The following CSMD1 variants were observed in gnomAD, a reference collection of about 807,000 sequenced individuals.
CSMD1 encodes CUB and Sushi multiple domains 1.
CSMD1 carries 213 observed loss-of-function variants against 417.5 expected under a neutral mutation model. That is an observed-to-expected ratio of 0.51 (90% CI 0.46 to 0.57). The LOEUF (loss-of-function observed/expected upper bound fraction) is 0.57. CSMD1 is among the 20% of genes least tolerant of loss of function. The pLI is 0.00. For synonymous variants in CSMD1, 2,862 were observed against 1,736.8 expected, an observed-to-expected ratio of 1.65 and a Z score of -16.11; for missense variants, 6,923 against 4,529.7, an observed-to-expected ratio of 1.53 and a Z score of -15.17.
At chr8:4,612,215 T>A (rs1267363499) in intron 2 of CSMD1, among the ~76,000 whole-genome samples, 1 of 152,156 alleles carries the variant, frequency 6.6e-6, no homozygotes, top group Non-Finnish European at 1.5e-5. Flanking sequence ...ACTGCCTTCA[T>A]CACCTTTGTT....
intron 23 of CSMD1, among the ~76,000 whole-genome samples, chr8:3,336,206 T>C (rs555201455): frequency 1.3e-5 from 2 of 152,282 alleles, no homozygotes; most frequent in East Asian, 3.9e-4. Context: ...AGTTAGATCA[T>C]AGCAAGGCCT....
At chr8:4,726,172 G>C (rs116449501) in intron 1 of CSMD1, among the ~76,000 whole-genome samples, 2 of 152,056 alleles carry the variant, frequency 1.3e-5, no homozygotes, top group Non-Finnish European at 2.9e-5. Flanking sequence ...AAAACCTACA[G>C]TTGGTTGTAT....
chr8:2,999,289 G>A (rs1477508266), intron 53 of CSMD1, among the ~76,000 whole-genome samples: 1 of 151,636 alleles, frequency 6.6e-6, no homozygotes, highest in Non-Finnish European at 1.5e-5. Context: ...CCTAGTAGCT[G>A]GGATTACAGA....
intron 1 of CSMD1, among the ~76,000 whole-genome samples, chr8:4,974,074 G>A (rs923520946): frequency 4.6e-5 from 7 of 152,320 alleles, no homozygotes; most frequent in African/African-American, 1.7e-4. Context: ...AGGCTGGAGA[G>A]TAGTGGTGCG....
At chr8:4,136,168 G>C (rs1224226104) in intron 3 of CSMD1, among the ~76,000 whole-genome samples, 1 of 152,118 alleles carries the variant, frequency 6.6e-6, no homozygotes, top group African/African-American at 2.4e-5. Context: ...TCTTAGAAAA[G>C]ATACGATATA....
intron 23 of CSMD1, among the ~76,000 whole-genome samples, chr8:3,332,034 AATG>A (rs559999527): frequency 1.3e-4 from 20 of 152,362 alleles, no homozygotes; most frequent in South Asian, 8.3e-4. Context: ...ATATAGACAG[AATG>A]ATAATAGATC....
intron 3 of CSMD1, among the ~76,000 whole-genome samples, chr8:4,331,177 A>G (rs1799849382): frequency 6.6e-6 from 1 of 152,200 alleles, no homozygotes; most frequent in African/African-American, 2.4e-5. Context: ...ATAAGAATAA[A>G]CCAGAAAATC....
At position 3,705,739 on chromosome 8, in the gene CSMD1, T is replaced by A. The variant is rs1334471035; in HGVS notation, c.1009+2675A>T. 2.0e-5 allele frequency among the ~76,000 whole-genome samples: 3 copies of A among 152,158 alleles called. No individual in the cohort carries two copies. In the East Asian group the frequency reaches 5.8e-4, roughly 29 times the overall value. ...ATTATATCACTTCTGCAAGAGAGGT[T>A]TGTGTGCTTGGATCTAATCTCTAGA... On this transcript the variant is annotated intron_variant, in intron 7 of 69. Transcript: ENST00000635120.
chr8:4,100,648 T>G (rs543680861), intron 3 of CSMD1, among the ~76,000 whole-genome samples: 3 of 152,246 alleles, frequency 2.0e-5, no homozygotes, highest in African/African-American at 7.2e-5. Context: ...GTCCATCATT[T>G]CGATGATGGA....
chr8:3,191,534 G>T (rs571665648), intron 33 of CSMD1, among the ~76,000 whole-genome samples: 1 of 152,136 alleles, frequency 6.6e-6, no homozygotes, highest in Non-Finnish European at 1.5e-5. Flanking sequence ...TAAAATGGGA[G>T]GCCTTCATTG....
intron 3 of CSMD1, among the ~76,000 whole-genome samples, chr8:4,243,936 C>T (rs772967083): frequency 1.3e-5 from 2 of 152,180 alleles, no homozygotes; most frequent in African/African-American, 4.8e-5. Flanking sequence ...AAAGTGACTT[C>T]CTCCAACTAC....
chr8:3,594,223 C>T (rs1483683689), intron 8 of CSMD1, among the ~76,000 whole-genome samples: 1 of 152,106 alleles, frequency 6.6e-6, no homozygotes, highest in Non-Finnish European at 1.5e-5. Flanking sequence ...TGAGGCGAGC[C>T]CTGGACCGTA....
intron 14 of CSMD1, among the ~76,000 whole-genome samples, chr8:3,407,444 G>T (rs1437921767): frequency 6.6e-6 from 1 of 151,932 alleles, no homozygotes; most frequent in African/African-American, 2.4e-5. Context: ...TGGAAGGATG[G>T]ATGGAAAGAT....
intron 26 of CSMD1, among the ~76,000 whole-genome samples, chr8:3,250,900 T>G (rs963394691): frequency 6.6e-6 from 1 of 152,238 alleles, no homozygotes; most frequent in African/African-American, 2.4e-5. Context: ...ACCCACTTGT[T>G]GATGGGGTTA....
In CSMD1 at chr8:4,255,156, T is replaced by C. The variant is rs889034409; in HGVS notation, c.415+164797A>G. Reference sequence around the variant, plus strand: ...TTTTAGCATTAAAAGAGATGATACATAGAGCTTTATCCCATGCTGGAAAGA... The same window carrying C: ...TTTTAGCATTAAAAGAGATGATACACAGAGCTTTATCCCATGCTGGAAAGA... On this transcript the variant is annotated intron_variant, in intron 3 of 69. Transcript: ENST00000635120. 2.0e-5 allele frequency among the ~76,000 whole-genome samples: 3 copies of C among 152,326 alleles called. No homozygotes were observed. In the South Asian group the frequency reaches 6.2e-4, roughly 32 times the overall value.
At chr8:4,439,746 G>C (rs1798354502) in intron 2 of CSMD1, among the ~76,000 whole-genome samples, 1 of 152,118 alleles carries the variant, frequency 6.6e-6, no homozygotes, top group African/African-American at 2.4e-5. Flanking sequence ...ACATAAATCA[G>C]TTTTGTGTTA....
chr8:3,415,418 C>G (rs1563365879), intron 12 of CSMD1, among the ~76,000 whole-genome samples: 1 of 152,222 alleles, frequency 6.6e-6, no homozygotes, highest in Non-Finnish European at 1.5e-5. Flanking sequence ...AGTGCAGTGG[C>G]ACGATCTCAG....
Position 3,178,900 on chromosome 8 carries a change from T to C in CSMD1, c.5725+2210A>G, listed in dbSNP as rs920616334. 2.6e-5 allele frequency among the ~76,000 whole-genome samples: 4 copies of C among 152,114 alleles called. No homozygotes were observed. The East Asian group carries it at 5.8e-4, about 22-fold the overall frequency. On this transcript the variant is annotated intron_variant, in intron 37 of 69. Coordinates refer to ENST00000635120, the MANE Select transcript of CSMD1 (RefSeq NM_033225.6). Reference sequence around the variant, plus strand: ...CAACAGTCCTGATACCATTTGACGCTAATTGTAGTAAGGTTAATTCTACAA... The same window carrying C: ...CAACAGTCCTGATACCATTTGACGCCAATTGTAGTAAGGTTAATTCTACAA...
chr8:3,086,973 T>A, intron 49 of CSMD1, 124 bp downstream of exon 49: 1 of 896,166 alleles, frequency 1.1e-6, no homozygotes, highest in Admixed American at 2.3e-5. Flanking sequence ...CGTACTGTTA[T>A]AAGCCAACAT....
Sources: allele counts gnomAD v4.1 joint callset (sites outside exome capture counted in the v4.1 genomes callset), GRCh38; gene constraint gnomAD v4.1.1; transcripts MANE v1.5; gene names NCBI Gene and HGNC (gene_info 2026-07-23, HGNC 2026-07-21).